The following AGBL4 variants were observed in gnomAD, a reference collection of about 807,000 sequenced individuals.
AGBL4 encodes the protein cytosolic carboxypeptidase 6.
In AGBL4, 58 loss-of-function variants were observed where a neutral mutation model predicts 66.4. The ratio of observed to expected loss-of-function variants is 0.87; its 90% CI spans 0.71 to 1.09. The LOEUF is 1.09. Among genes scored for constraint, AGBL4 ranks in the 50% least tolerant of loss-of-function variants. AGBL4 has a pLI of 0.00. For synonymous variants in AGBL4, 234 were observed against 222.9 expected, an observed-to-expected ratio of 1.05 and a Z score of -0.44; for missense variants, 579 against 631.0, an observed-to-expected ratio of 0.92 and a Z score of 0.88.
chr1:49,292,580 C>T (rs886167621), intron 3 of AGBL4, among the ~76,000 whole-genome samples: 1 of 152,164 alleles, frequency 6.6e-6, no homozygotes, highest in Non-Finnish European at 1.5e-5. Flanking sequence ...AGAGGAGTTA[C>T]CCACTACAGG....
intron 3 of AGBL4, among the ~76,000 whole-genome samples, chr1:49,269,843 T>C (rs1158192804): frequency 6.6e-6 from 1 of 152,178 alleles, no homozygotes; most frequent in African/African-American, 2.4e-5. Context: ...CTTTTGTGAG[T>C]TGATTTTTCA....
intron 3 of AGBL4, among the ~76,000 whole-genome samples, chr1:49,372,590 C>CT (rs1644369546): frequency 1.3e-5 from 2 of 151,392 alleles, no homozygotes. Flanking sequence ...ATCTTTCTTT[C>CT]TTTCTTTTCT....
intron 6 of AGBL4, among the ~76,000 whole-genome samples, chr1:48,711,199 C>T (rs1344839632): frequency 2.0e-5 from 3 of 152,188 alleles, no homozygotes; most frequent in Non-Finnish European, 4.4e-5. Flanking sequence ...GGCTGGGCTG[C>T]ACTCTTGGGG....
chr1:48,951,039 C>T (rs1656937473), intron 5 of AGBL4, among the ~76,000 whole-genome samples: 1 of 152,080 alleles, frequency 6.6e-6, no homozygotes, highest in Non-Finnish European at 1.5e-5. Context: ...CTTATCTTGT[C>T]CAAACTTTTC....
intron 4 of AGBL4, among the ~76,000 whole-genome samples, chr1:49,170,578 T>C (rs1646720659): frequency 6.8e-6 from 1 of 147,066 alleles, no homozygotes; most frequent in African/African-American, 2.5e-5. Flanking sequence ...TAAATATTTG[T>C]ATTTATACAT....
intron 10 of AGBL4, among the ~76,000 whole-genome samples, chr1:48,590,175 C>T (rs1372860210): frequency 5.9e-5 from 9 of 152,154 alleles, no homozygotes; most frequent in Middle Eastern, 3.4e-3. Flanking sequence ...GAGGCCGAGG[C>T]GGGCGGATCA....
At chr1:49,906,305 T>C (rs1047627700) in intron 1 of AGBL4, among the ~76,000 whole-genome samples, 2 of 152,174 alleles carry the variant, frequency 1.3e-5, no homozygotes, top group South Asian at 2.1e-4. Context: ...CATGCAAAAA[T>C]AGACATATCA....
At chr1:48,569,614 G>C (rs1465455526) in intron 11 of AGBL4, among the ~76,000 whole-genome samples, 3 of 152,144 alleles carry the variant, frequency 2.0e-5, no homozygotes, top group Non-Finnish European at 4.4e-5. Flanking sequence ...ATGGGTCACT[G>C]GTGGGTCTAA....
chr1:49,507,757 A>G (rs1165590030), intron 3 of AGBL4, among the ~76,000 whole-genome samples: 1 of 151,866 alleles, frequency 6.6e-6, no homozygotes, highest in African/African-American at 2.4e-5. Context: ...TAATGATTTT[A>G]AGAATAAATA....
Position 49,735,308 on chromosome 1 carries a change from T to G in AGBL4, c.158-37871A>C, listed in dbSNP as rs538107367. Among the ~76,000 whole-genome samples the G allele has an allele frequency of 1.8e-3, 270 of 150,188 alleles. 1 individual carries two copies. Among genetic ancestry groups the G allele is most frequent in the African/African-American group, 6.4e-3 (260 of 40,662 alleles). On this transcript the variant is annotated intron_variant, in intron 2 of 13. Coordinates refer to ENST00000371839, the MANE Select transcript of AGBL4 (RefSeq NM_032785.4). The stretch of plus-strand genomic sequence containing the variant: ...GTAGAGGTGTGTGGGTGTGTGTGTG[T>G]GTGTGTGTGTGTGTGTGTGTGTGTG...
intron 3 of AGBL4, among the ~76,000 whole-genome samples, chr1:49,277,379 A>G (rs965875012): frequency 6.6e-6 from 1 of 152,256 alleles, no homozygotes; most frequent in East Asian, 1.9e-4. Flanking sequence ...ATGGGGTGTG[A>G]CATGATATGT....
chr1:48,935,820 G>A (rs12031488), intron 5 of AGBL4, among the ~76,000 whole-genome samples: 15,662 of 151,302 alleles, frequency 0.1, 902 homozygotes, highest in African/African-American at 0.11. Context: ...TCAGCTGGGC[G>A]TGGTAGCAGG....
rs1159728442 is a variant in AGBL4 at position 49,449,128 on chromosome 1, A to G, written c.283-203264T>C. Among the ~76,000 whole-genome samples the G allele has an allele frequency of 2.0e-5, 3 of 152,010 alleles. No individual in the cohort carries two copies. In the East Asian group the frequency reaches 5.8e-4, roughly 29 times the overall value. ...ATACTATAAACCTGATGATATATAT[A>G]ATATCTCCATTTTATAGATGAGTAA... On this transcript the variant is annotated intron_variant, in intron 3 of 13. Transcript: ENST00000371839.
At chr1:49,282,610 C>T (rs964123891) in intron 3 of AGBL4, among the ~76,000 whole-genome samples, 1 of 152,124 alleles carries the variant, frequency 6.6e-6, no homozygotes, top group Non-Finnish European at 1.5e-5. Context: ...TCTGAGGTAT[C>T]GGGTTCATCT....
intron 11 of AGBL4, among the ~76,000 whole-genome samples, chr1:48,578,344 G>T (rs1031770263): frequency 2.0e-5 from 3 of 152,054 alleles, no homozygotes; most frequent in Non-Finnish European, 4.4e-5. Context: ...CAATCAGAAG[G>T]ATTCATATTT....
intron 3 of AGBL4, among the ~76,000 whole-genome samples, chr1:49,656,050 G>A (rs549685190): frequency 6.6e-6 from 1 of 152,060 alleles, no homozygotes; most frequent in African/African-American, 2.4e-5. Flanking sequence ...GGGAGGCTGA[G>A]GCAGGAGAAT....
chr1:49,930,962 C>T (rs1053072298), intron 1 of AGBL4, among the ~76,000 whole-genome samples: 24 of 152,204 alleles, frequency 1.6e-4, no homozygotes, highest in African/African-American at 5.5e-4. Flanking sequence ...GAACTTAAAA[C>T]TGTCTTTATT....
intron 3 of AGBL4, among the ~76,000 whole-genome samples, chr1:49,364,948 T>C (rs903958099): frequency 2.0e-5 from 3 of 152,166 alleles, no homozygotes; most frequent in African/African-American, 7.2e-5. Flanking sequence ...TATGAGATGG[T>C]TGTAAGTTCA....
At chr1:48,654,092 C>T (rs187823618) in intron 7 of AGBL4, among the ~76,000 whole-genome samples, 209 of 152,292 alleles carry the variant, frequency 1.4e-3, no homozygotes, top group East Asian at 3.3e-3. Context: ...AATCACCCTG[C>T]CTTCCGGTCA....
Sources: allele counts gnomAD v4.1 joint callset (sites outside exome capture counted in the v4.1 genomes callset), GRCh38; gene constraint gnomAD v4.1.1; transcripts MANE v1.5; gene names NCBI Gene and HGNC (gene_info 2026-07-23, HGNC 2026-07-21).